Variants in CD2AP observed in about 807,000 individuals in gnomAD.
The protein encoded by CD2AP is CD2 associated protein, also known as CD2-associated protein.
Under a neutral mutation model 85.1 loss-of-function variants are expected in CD2AP, and 46 were observed. The ratio of observed to expected loss-of-function variants is 0.54; its 90% CI spans 0.43 to 0.69. The LOEUF is 0.69. CD2AP is among the 30% of genes least tolerant of loss of function. CD2AP has a pLI of 0.00. For synonymous variants in CD2AP, 255 were observed against 252.9 expected, an observed-to-expected ratio of 1.01 and a Z score of -0.08; for missense variants, 769 against 729.5, an observed-to-expected ratio of 1.05 and a Z score of -0.62.
intron 17 of CD2AP, 127 bp downstream of exon 17, chr6:47,612,663 G>A (rs1388543354): frequency 2.4e-5 from 17 of 699,504 alleles, no homozygotes; most frequent in Non-Finnish European, 4.5e-5. Context: ...TACACACAAT[G>A]GACTACTATT....
chr6:47,482,805 C>G (rs184222017), intron 1 of CD2AP, among the ~76,000 whole-genome samples: 114 of 152,270 alleles, frequency 7.5e-4, no homozygotes, highest in African/African-American at 2.6e-3. Flanking sequence ...TAATTCAGAT[C>G]TGTCAGAGAA....
chr6:47,581,157 A>G (rs1223709825), intron 10 of CD2AP, among the ~76,000 whole-genome samples: 1 of 152,198 alleles, frequency 6.6e-6, no homozygotes, highest in Non-Finnish European at 1.5e-5. Context: ...AATCAAATTT[A>G]AACTGTTTTA....
At chr6:47,581,798 G>A (rs1263608116) in intron 10 of CD2AP, among the ~76,000 whole-genome samples, 2 of 152,178 alleles carry the variant, frequency 1.3e-5, no homozygotes, top group Non-Finnish European at 2.9e-5. Flanking sequence ...ATTTGACAAA[G>A]AAGGAACTGA....
intron 1 of CD2AP, among the ~76,000 whole-genome samples, chr6:47,488,267 A>G (rs1044793251): frequency 2.0e-5 from 3 of 152,124 alleles, no homozygotes; most frequent in Non-Finnish European, 4.4e-5. Context: ...CTTAATTTTT[A>G]GCTTAAAGAG....
chr6:47,552,713 A>G (rs1465652088), intron 4 of CD2AP, among the ~76,000 whole-genome samples: 3 of 152,018 alleles, frequency 2.0e-5, no homozygotes, highest in Non-Finnish European at 2.9e-5. Flanking sequence ...TAGACAGCTG[A>G]TGTTTCTCTC....
intron 4 of CD2AP, among the ~76,000 whole-genome samples, chr6:47,554,363 T>C (rs1413163130): frequency 6.6e-6 from 1 of 152,240 alleles, no homozygotes; most frequent in Non-Finnish European, 1.5e-5. Flanking sequence ...TATATGGTTA[T>C]CTGATACTTT....
chr6:47,624,302 T>A lies in CD2AP; in HGVS notation c.*75T>A. The A allele has an allele frequency of 8.6e-7, 1 of 1,160,592 alleles. No individual in the cohort carries two copies. The highest frequency in any genetic ancestry group is 1.3e-6 in the Non-Finnish European group (1 of 770,072). 71.9% of individuals were successfully genotyped at this position (1,160,592 alleles called of 1,614,324 possible). A position where few individuals can be genotyped will look rare whatever the true frequency, so the allele number is the denominator to read the frequency against. ...TATGAACTTCAGCTGACTTGTTACT[T>A]AAAAATTGTGAATTCTGTTGTTGTG... On this transcript the variant is annotated 3_prime_UTR_variant, in exon 18 of 18. Coordinates refer to ENST00000359314, the MANE Select transcript of CD2AP (RefSeq NM_012120.3).
intron 8 of CD2AP, 27 bp from the exon 9 acceptor site, chr6:47,579,358 T>A (rs1305083626): frequency 3.2e-6 from 4 of 1,239,568 alleles, no homozygotes; most frequent in Non-Finnish European, 4.8e-6. Context: ...AGGTCTATTG[T>A]CTTAATTATT....
intron 2 of CD2AP, among the ~76,000 whole-genome samples, chr6:47,508,381 C>G (rs1208466804): frequency 6.6e-6 from 1 of 152,174 alleles, no homozygotes; most frequent in Non-Finnish European, 1.5e-5. Context: ...CATGAGCCAA[C>G]CTCTGCTAGC....
At chr6:47,568,391 GA>G (rs1303141417) in intron 5 of CD2AP, among the ~76,000 whole-genome samples, 1 of 152,144 alleles carries the variant, frequency 6.6e-6, no homozygotes, top group Non-Finnish European at 1.5e-5. Flanking sequence ...TGAATCCTTA[GA>G]AAAATTCGGA....
At chr6:47,510,853 T>C (rs1249135347) in intron 2 of CD2AP, among the ~76,000 whole-genome samples, 1 of 151,824 alleles carries the variant, frequency 6.6e-6, no homozygotes, top group African/African-American at 2.4e-5. Flanking sequence ...GGTGGGCAGA[T>C]TACGAGGTCA....
rs552848504 is a variant in CD2AP at position 47,591,467 on chromosome 6, G to T, written c.1109-4394G>T. On this transcript the variant is annotated intron_variant, in intron 11 of 17. Coordinates refer to ENST00000359314, the MANE Select transcript of CD2AP (RefSeq NM_012120.3). The stretch of plus-strand genomic sequence containing the variant: ...AATTTTCTAAAATGTTAGGAAAATA[G>T]GTTCAATTAAGAATAGACTCACTAC... 5.9e-5 allele frequency among the ~76,000 whole-genome samples: 9 copies of T among 152,200 alleles called. 1 individual carries two copies. In the South Asian group the frequency reaches 1.9e-3, roughly 32 times the overall value.
intron 17 of CD2AP, among the ~76,000 whole-genome samples, chr6:47,615,156 C>T (rs913733282): frequency 2.0e-5 from 3 of 152,160 alleles, no homozygotes; most frequent in Admixed American, 6.5e-5. Context: ...TGGGGACTTG[C>T]AGTTGGAAAA....
At chr6:47,580,783 A>T (rs1768456213) in intron 9 of CD2AP, 81 bp from the exon 10 acceptor site, 2 of 927,940 alleles carry the variant, frequency 2.2e-6, no homozygotes, top group African/African-American at 3.3e-5. Context: ...TGTATAATTT[A>T]GATTATTACT....
intron 2 of CD2AP, among the ~76,000 whole-genome samples, chr6:47,504,009 T>C (rs936787101): frequency 2.0e-4 from 31 of 152,242 alleles, no homozygotes; most frequent in African/African-American, 7.2e-4. Context: ...ATAGCAGTTA[T>C]CTGCCAAACT....
rs201742003 is a variant in CD2AP, at chr6:47,497,347, C to CTCCCCT, written c.5-5912_5-5907dup. ...TTTCCTTTCCTTTCCCTTCCCTTCCCTCCCCTTCCCCTTCCCCTTCCCCTT... is the reference window on the plus strand; with the variant it reads ...TTTCCTTTCCTTTCCCTTCCCTTCCCTCCCCTTCCCCTTCCCCTTCCCCTTCCCCTT... On this transcript the variant is annotated intron_variant, in intron 1 of 17. Coordinates refer to ENST00000359314, the MANE Select transcript of CD2AP (RefSeq NM_012120.3). 6.5e-3 allele frequency among the ~76,000 whole-genome samples: 892 copies of CTCCCCT among 138,214 alleles called. 10 individuals are homozygous for CTCCCCT. Among genetic ancestry groups the CTCCCCT allele is most frequent in the African/African-American group, 0.026 (819 of 31,866 alleles). 90.7% of individuals were successfully genotyped at this position (138,214 alleles called of 152,430 possible). A position where few individuals can be genotyped will look rare whatever the true frequency, so the allele number is the denominator to read the frequency against.
chr6:47,543,041 C>T (rs370367704), intron 3 of CD2AP, among the ~76,000 whole-genome samples: 2 of 149,654 alleles, frequency 1.3e-5, no homozygotes, highest in African/African-American at 4.9e-5. Flanking sequence ...ATCCCAGCTA[C>T]TCAGGAGGCT....
intron 12 of CD2AP, among the ~76,000 whole-genome samples, chr6:47,597,289 C>T (rs1024834691): frequency 6.6e-6 from 1 of 150,844 alleles, no homozygotes; most frequent in Non-Finnish European, 1.5e-5. Flanking sequence ...AGAAGGCCCT[C>T]TCCTGCCACC....
At position 47,581,876 on chromosome 6, in the gene CD2AP, G is replaced by T. The variant is rs1019581185; in HGVS notation, c.1046-127G>T. 1.2e-4 allele frequency: 80 copies of T among 682,162 alleles called. 1 individual carries two copies. Among genetic ancestry groups the T allele is most frequent in the Non-Finnish European group, 3.0e-5 (11 of 372,732 alleles). The allele number at this position is 682,162 out of a possible 1,614,324, so 42.3% of individuals were successfully genotyped here. A position where few individuals can be genotyped will look rare whatever the true frequency, so the allele number is the denominator to read the frequency against. ...TTGAGCCTGGTAATTCCGGTACATT[G>T]TTCTTTCTATTAAACCATGGTTTCA... On this transcript the variant is annotated intron_variant, in intron 10 of 17. Coordinates refer to ENST00000359314, the MANE Select transcript of CD2AP (RefSeq NM_012120.3).
Sources: allele counts gnomAD v4.1 joint callset (sites outside exome capture counted in the v4.1 genomes callset), GRCh38; gene constraint gnomAD v4.1.1; transcripts MANE v1.5; gene names NCBI Gene and HGNC (gene_info 2026-07-23, HGNC 2026-07-21).